Variants in P2RY14 observed in about 807,000 individuals in gnomAD.
P2RY14 encodes P2Y purinoceptor 14.
P2RY14 carries 2 observed loss-of-function variants against 0.9 expected under a neutral mutation model. The observed-to-expected ratio is 2.16, with a 90% CI of 0.88 to 6.79. P2RY14 has a LOEUF of 6.79. Ranked by LOEUF, P2RY14 falls within the 30% of genes most tolerant of loss-of-function variation. The probability of loss-of-function intolerance (pLI) is 0.05; values close to 1 mark genes in which losing one functional copy is unlikely to be tolerated. For missense variants in P2RY14, 378 were observed against 400.1 expected, an observed-to-expected ratio of 0.94 and a Z score of 0.47; for synonymous variants, 158 against 147.2, an observed-to-expected ratio of 1.07 and a Z score of -0.53.
intron 1 of P2RY14, chr3:151,269,446 T>G: frequency 1.2e-5 from 2 of 173,372 alleles, no homozygotes; most frequent in African/African-American, 4.6e-5. Flanking sequence ...CACACAAAAT[T>G]CAGAGACTTA....
At chr3:151,276,950 G>T in intron 1 of P2RY14, among the ~76,000 whole-genome samples, 1 of 152,146 alleles carries the variant, frequency 6.6e-6, no homozygotes, top group Non-Finnish European at 1.5e-5. Flanking sequence ...AGACTGGAGT[G>T]CAGTGGCCCG....
intron 1 of P2RY14, among the ~76,000 whole-genome samples, chr3:151,273,186 A>C (rs551831670): frequency 6.6e-6 from 1 of 151,820 alleles, no homozygotes; most frequent in South Asian, 2.1e-4. Flanking sequence ...ATTGGGAAAG[A>C]AGATGATGCT....
intron 1 of P2RY14, among the ~76,000 whole-genome samples, chr3:151,226,159 C>T (rs144821390): frequency 3.2e-4 from 49 of 152,198 alleles, no homozygotes; most frequent in African/African-American, 1.0e-3. Flanking sequence ...ACAGTGAGCA[C>T]GTATCTAGTT....
chr3:151,263,300 C>T (rs1213528411), intron 1 of P2RY14, among the ~76,000 whole-genome samples: 1 of 152,194 alleles, frequency 6.6e-6, no homozygotes, highest in African/African-American at 2.4e-5. Flanking sequence ...TGGACCTCCC[C>T]AGAGTGTCTT....
intron 1 of P2RY14, among the ~76,000 whole-genome samples, chr3:151,227,840 A>G (rs989196294): frequency 6.6e-6 from 1 of 152,054 alleles, no homozygotes; most frequent in Non-Finnish European, 1.5e-5. Flanking sequence ...TTTCGGTTTC[A>G]GTTCTTTGTG....
chr3:151,258,483 C>T (rs1738246797), intron 1 of P2RY14, among the ~76,000 whole-genome samples: 1 of 152,102 alleles, frequency 6.6e-6, no homozygotes, highest in Non-Finnish European at 1.5e-5. Context: ...CCAGGGTATC[C>T]CTTGCAACAG....
At chr3:151,266,148 G>A (rs62282989) in intron 1 of P2RY14, among the ~76,000 whole-genome samples, 11,668 of 152,102 alleles carry the variant, frequency 0.077, 842 homozygotes, top group East Asian at 0.33. Context: ...ACGTTGTTAC[G>A]GCAACTTTAT....
chr3:151,252,511 C>A (rs886718232), intron 1 of P2RY14, among the ~76,000 whole-genome samples: 18 of 152,142 alleles, frequency 1.2e-4, no homozygotes, highest in African/African-American at 4.3e-4. Context: ...TGGCACCTGA[C>A]ATTTTTATTC....
rs576262380 is a variant in P2RY14, at chr3:151,222,260, C to CTG, written c.-132-2620_-132-2619dup. On this transcript the variant is annotated intron_variant, in intron 1 of 2. Coordinates refer to ENST00000309170, the MANE Select transcript of P2RY14 (RefSeq NM_014879.4). ...GACTTGCCTTGTCTGGGATGAGACT[C>CTG]TGGACTGTGGACTTCTGAGTTAATG... is the stretch of plus-strand genomic sequence containing the variant. Among the ~76,000 whole-genome samples, 77 of 152,058 alleles carry CTG rather than the reference C, an allele frequency of 5.1e-4. 1 individual carries two copies. The highest frequency in any genetic ancestry group is 7.6e-4 in the Non-Finnish European group (52 of 67,994).
chr3:151,234,558 G>A (rs1017692585), intron 1 of P2RY14, among the ~76,000 whole-genome samples: 3 of 152,176 alleles, frequency 2.0e-5, no homozygotes, highest in Admixed American at 6.5e-5. Flanking sequence ...AGTAGGTGCT[G>A]TATAAACTTT....
At position 151,259,310 on chromosome 3, in the gene P2RY14, C is replaced by T. The variant is rs180927719; in HGVS notation, c.-133+18977G>A. Among the ~76,000 whole-genome samples, 91 of 152,220 alleles carry T rather than the reference C, an allele frequency of 6.0e-4. 1 individual carries two copies. The highest frequency in any genetic ancestry group is 3.2e-4 in the Non-Finnish European group (22 of 68,004). The stretch of plus-strand genomic sequence containing the variant: ...GAACTATGCTATATTTTTCTTAAAG[C>T]CTTTAAGATTTAAGGAGGAATTTTC... On this transcript the variant is annotated intron_variant, in intron 1 of 2. Transcript: ENST00000309170.
chr3:151,234,955 A>G lies in P2RY14; in HGVS notation c.-132-15313T>C, dbSNP rs574858388. 2.6e-5 allele frequency among the ~76,000 whole-genome samples: 4 copies of G among 152,338 alleles called. No homozygotes were observed. The East Asian group carries it at 5.8e-4, about 22-fold the overall frequency. Reference sequence around the variant, plus strand: ...CAAACGTTCCAGCGAACTTTCTTCTATCTCTTCTATTTCTAACCACGTCAT... The same window carrying G: ...CAAACGTTCCAGCGAACTTTCTTCTGTCTCTTCTATTTCTAACCACGTCAT... On this transcript the variant is annotated intron_variant, in intron 1 of 2. Transcript: ENST00000309170.
intron 1 of P2RY14, among the ~76,000 whole-genome samples, chr3:151,274,864 G>A (rs149738251): frequency 6.6e-6 from 1 of 152,250 alleles, no homozygotes; most frequent in Non-Finnish European, 1.5e-5. Flanking sequence ...ACCATTCCTA[G>A]AATGTTGGCT....
chr3:151,273,052 A>G (rs1213309822), intron 1 of P2RY14, among the ~76,000 whole-genome samples: 1 of 152,090 alleles, frequency 6.6e-6, no homozygotes, highest in Non-Finnish European at 1.5e-5. Context: ...AGTGTAATGC[A>G]AATATTCCAA....
At chr3:151,226,283 T>C (rs906890933) in intron 1 of P2RY14, among the ~76,000 whole-genome samples, 5 of 152,168 alleles carry the variant, frequency 3.3e-5, no homozygotes, top group Non-Finnish European at 7.4e-5. Flanking sequence ...GTGAGAGAGC[T>C]ATAGGAACAG....
chr3:151,255,717 C>G (rs914439238), intron 1 of P2RY14, among the ~76,000 whole-genome samples: 1 of 152,138 alleles, frequency 6.6e-6, no homozygotes, highest in African/African-American at 2.4e-5. Flanking sequence ...CTTGTTTACT[C>G]CAGCATAGAG....
intron 1 of P2RY14, among the ~76,000 whole-genome samples, chr3:151,250,566 G>A (rs146775200): frequency 6.4e-4 from 98 of 152,272 alleles, no homozygotes; most frequent in Admixed American, 1.0e-3. Context: ...TTAGCATAAT[G>A]TCTTTAAGGT....
chr3:151,241,925 G>A (rs549767015), intron 1 of P2RY14: 10 of 153,350 alleles, frequency 6.5e-5, no homozygotes, highest in Middle Eastern at 3.3e-3. Context: ...CAGTGGGTGC[G>A]CGAGCCGAAG....
rs941626796 is a variant in P2RY14, at chr3:151,270,014, G to C, written c.-133+8273C>G. ...TATGGATGATGAAGAAAGGGAAGGA[G>C]ATAAATGATGAAGAAGGATGGGAAG... On this transcript the variant is annotated intron_variant, in intron 1 of 2. Transcript: ENST00000309170. 3.6e-5 allele frequency: 9 copies of C among 247,210 alleles called. No individual in the cohort carries two copies. In the East Asian group the frequency reaches 1.1e-3, roughly 31 times the overall value. 15.3% of individuals were successfully genotyped at this position (247,210 alleles called of 1,614,324 possible). A position where few individuals can be genotyped will look rare whatever the true frequency, so the allele number is the denominator to read the frequency against.
Sources: allele counts gnomAD v4.1 joint callset (sites outside exome capture counted in the v4.1 genomes callset), GRCh38; gene constraint gnomAD v4.1.1; transcripts MANE v1.5; gene names NCBI Gene and HGNC (gene_info 2026-07-23, HGNC 2026-07-21).